PXDN: variants seen among roughly 807,000 people sequenced by gnomAD.
PXDN encodes the protein peroxidasin homolog.
In PXDN, 77 loss-of-function variants were observed where a neutral mutation model predicts 140.3. The observed-to-expected ratio is 0.55, with a 90% confidence interval of 0.46 to 0.66. PXDN has a LOEUF of 0.66. Ranked by LOEUF, PXDN falls within the 30% of genes least tolerant of loss-of-function variation. The pLI is 0.00. For missense variants in PXDN, 1,838 were observed against 2,039.5 expected (o/e 0.90, Z 1.90); for synonymous variants, 911 against 857.4 (o/e 1.06, Z -1.09).
intron 1 of PXDN, among the ~76,000 whole-genome samples, chr2:1,709,962 T>C (rs1490422254): frequency 6.6e-6 from 1 of 152,136 alleles, no homozygotes; most frequent in Non-Finnish European, 1.5e-5. Context: ...GCCCCATCCA[T>C]GGTGTTTGTG....
At position 1,707,443 on chromosome 2, in the gene PXDN, A is replaced by C. The variant is rs183476323; in HGVS notation, c.201-14309T>G. ...CTGAGAGCATGCTGCATTGCTCATC[A>C]ATCCCAGATGCCTCATCCACGCCTT... On this transcript the variant is annotated intron_variant, in intron 1 of 22. Transcript: ENST00000252804. 1.3e-3 allele frequency among the ~76,000 whole-genome samples: 201 copies of C among 152,134 alleles called. 1 individual carries two copies. Among genetic ancestry groups the C allele is most frequent in the Non-Finnish European group, 1.5e-3 (99 of 67,916 alleles).
At chr2:1,744,600 C>G (rs1334593563), upstream of PXDN, 2 of 666,980 alleles carry the variant, frequency 3.0e-6, no homozygotes, top group African/African-American at 3.8e-5. Flanking sequence ...TCCTCCCGGC[C>G]CCTCTGAATC....
At chr2:1,682,526 G>C (rs961263074) in intron 6 of PXDN, among the ~76,000 whole-genome samples, 3 of 152,118 alleles carry the variant, frequency 2.0e-5, no homozygotes, top group African/African-American at 4.8e-5. Flanking sequence ...CGAAACTAAC[G>C]GTTTCAAGAC....
At chr2:1,722,112 G>A (rs773190573) in intron 1 of PXDN, among the ~76,000 whole-genome samples, 19 of 152,202 alleles carry the variant, frequency 1.2e-4, no homozygotes, top group Non-Finnish European at 2.2e-4. Context: ...GAACCCGAGA[G>A]GTGTTGACAA....
Position 1,676,674 on chromosome 2 carries a change from G to A in PXDN, c.848+253C>T, listed in dbSNP as rs1377194352. 3.8e-5 allele frequency: 20 copies of A among 527,068 alleles called. 1 individual carries two copies. The highest frequency in any genetic ancestry group is 7.5e-5 in the South Asian group (3 of 39,914). The allele number at this position is 527,068 out of a possible 1,614,324, so 32.6% of individuals were successfully genotyped here. On this transcript the variant is annotated intron_variant, in intron 8 of 22. Transcript: ENST00000252804. ...TCCCACCGGGAAGGGCCGCAGTGAC[G>A]CGTTGCCCAGCCAGGGCACCCCTGT...
chr2:1,699,740 T>C (rs13411591), intron 1 of PXDN, among the ~76,000 whole-genome samples: 1 of 151,318 alleles, frequency 6.6e-6, no homozygotes, highest in Non-Finnish European at 1.5e-5. Flanking sequence ...CAAACAAAAA[T>C]AAATAAGAGT....
intron 14 of PXDN, among the ~76,000 whole-genome samples, chr2:1,655,309 ACACACACGC>A (rs1251216310): frequency 1.3e-5 from 2 of 150,950 alleles, no homozygotes; most frequent in Non-Finnish European, 3.0e-5. Flanking sequence ...ATAACACATC[ACACACACGC>A]CACACACAGA....
chr2:1,674,327 G>C (rs575794782), intron 8 of PXDN, among the ~76,000 whole-genome samples: 1 of 152,102 alleles, frequency 6.6e-6, no homozygotes, highest in Non-Finnish European at 1.5e-5. Context: ...CTCCTGCCTC[G>C]GGCTCCGAAA....
At chr2:1,665,131 C>T (rs1179365363) in intron 10 of PXDN, 57 bp from the exon 11 acceptor site, 8 of 1,311,214 alleles carry the variant, frequency 6.1e-6, no homozygotes, top group Admixed American at 3.9e-5. Flanking sequence ...GGGGTAAAAA[C>T]GCGACCAAGA....
chr2:1,639,192 G>T lies in PXDN; in HGVS notation c.4073+110C>A. 1 of 1,513,968 alleles carries T rather than the reference G, an allele frequency of 6.6e-7. No individual in the cohort carries two copies. The highest frequency in any genetic ancestry group is 8.9e-7 in the Non-Finnish European group (1 of 1,124,434). 93.8% of individuals were successfully genotyped at this position (1,513,968 alleles called of 1,614,324 possible). A position where few individuals can be genotyped will look rare whatever the true frequency, so the allele number is the denominator to read the frequency against. ...GCCCCCAGTGCCCTGGGACGTCCCT[G>T]CCAGGAACCATCCTCGCCACAGGCC... is the stretch of plus-strand genomic sequence containing the variant. On this transcript the variant is annotated intron_variant, in intron 20 of 22. Coordinates refer to ENST00000252804, the MANE Select transcript of PXDN (RefSeq NM_012293.3). This position sits in a 1 kb window ranked among gnomAD's most constrained non-coding sequence, Gnocchi z 5.0.
chr2:1,693,163 C>T (rs373838586), intron 1 of PXDN, 29 bp from the exon 2 acceptor site: 52 of 1,490,384 alleles, frequency 3.5e-5, no homozygotes, highest in Middle Eastern at 1.7e-4. Context: ...GGTATTATTA[C>T]GTGAAAAAAA....
chr2:1,674,240 CA>C (rs1488787183), intron 8 of PXDN, among the ~76,000 whole-genome samples: 1 of 152,234 alleles, frequency 6.6e-6, no homozygotes, highest in Non-Finnish European at 1.5e-5. Context: ...GACAGAGTCT[CA>C]CTCTGCAGCC....
Position 1,744,364 on chromosome 2 carries a change from T to C in PXDN, c.92A>G (p.Lys31Arg). The C allele has an allele frequency of 1.3e-6, 2 of 1,526,940 alleles. No individual in the cohort carries two copies. Among genetic ancestry groups the C allele is most frequent in the African/African-American group, 1.4e-5 (1 of 71,570 alleles). The allele number at this position is 1,526,940 out of a possible 1,614,324, so 94.6% of individuals were successfully genotyped here. The change falls in exon 1 of 23, where the codon AAG becomes AGG. Residue 31 changes from lysine to arginine, a missense_variant. Transcript: ENST00000252804. ...AWGTLAVVAQ[K>R]PGAGCPSRCL... The stretch of plus-strand genomic sequence containing the variant: ...GCGGCTCGGACACCCTGCGCCCGGC[T>C]TCTGGGCCACCACGGCCAGCGTCCC...
chr2:1,706,810 G>A lies in PXDN; in HGVS notation c.201-13676C>T, dbSNP rs71277220. ...TGATCACCAATCAGCTCTAAGCATCGCCTGCCCCACTAATAATACAATCCG... is the reference window on the plus strand; with the variant it reads ...TGATCACCAATCAGCTCTAAGCATCACCTGCCCCACTAATAATACAATCCG... On this transcript the variant is annotated intron_variant, in intron 1 of 22. Coordinates refer to ENST00000252804, the MANE Select transcript of PXDN (RefSeq NM_012293.3). Among the ~76,000 whole-genome samples, 57 of 64,198 alleles carry A rather than the reference G, an allele frequency of 8.9e-4. 1 individual carries two copies. Among genetic ancestry groups the A allele is most frequent in the Middle Eastern group, 9.4e-3 (1 of 106 alleles). 42.1% of individuals were successfully genotyped at this position (64,198 alleles called of 152,430 possible). A position where few individuals can be genotyped will look rare whatever the true frequency, so the allele number is the denominator to read the frequency against.
chr2:1,735,059 A>G (rs1467649481), intron 1 of PXDN, among the ~76,000 whole-genome samples: 2 of 152,198 alleles, frequency 1.3e-5, no homozygotes, highest in African/African-American at 2.4e-5. Flanking sequence ...GCTCATCCAT[A>G]GACACAACTC....
chr2:1,731,187 A>T (rs2125490245), intron 1 of PXDN, among the ~76,000 whole-genome samples: 1 of 139,700 alleles, frequency 7.2e-6, no homozygotes, highest in Admixed American at 7.1e-5. Flanking sequence ...CACATGAACT[A>T]GTGAGAGGAA....
At position 1,676,963 on chromosome 2, in the gene PXDN, C is replaced by T; in HGVS notation, c.812G>A (p.Gly271Asp). ...NTVYFTCRAE[G>D]NPKPEIIWLR... Reference sequence around the variant, plus strand: ...CCAGATGATCTCAGGCTTGGGGTTGCCTTCGGCTCTGCAGGTGAAGTACAC... The same window carrying T: ...CCAGATGATCTCAGGCTTGGGGTTGTCTTCGGCTCTGCAGGTGAAGTACAC... The change falls in exon 8 of 23, where the codon GGC becomes GAC. Residue 271 changes from glycine to aspartate, a missense_variant. Gly to Asp is a moderately conservative substitution (Grantham distance 94, BLOSUM62 -1). This residue lies in a region of PXDN where 208 missense variants were observed against 325.8 expected (regional missense o/e 0.64). Transcript: ENST00000252804. The T allele has an allele frequency of 6.2e-7, 1 of 1,612,992 alleles. No homozygotes were observed. Among genetic ancestry groups the T allele is most frequent in the Non-Finnish European group, 8.5e-7 (1 of 1,179,570 alleles).
At chr2:1,657,430 C>A (rs1683171014) in intron 14 of PXDN, among the ~76,000 whole-genome samples, 1 of 151,600 alleles carries the variant, frequency 6.6e-6, no homozygotes, top group South Asian at 2.1e-4. Flanking sequence ...CTAACTGAAA[C>A]CTGCCGCCTC....
At chr2:1,736,866 T>G (rs1179626251) in intron 1 of PXDN, among the ~76,000 whole-genome samples, 1 of 152,156 alleles carries the variant, frequency 6.6e-6, no homozygotes, top group Admixed American at 6.5e-5. Context: ...TTTTGTTATC[T>G]CATGTGGACA....
Sources: gnomAD v4.1 joint callset for allele counts (sites outside exome capture counted in the v4.1 genomes callset) on GRCh38, gnomAD v4.1.1 for gene constraint, gnomAD v4.1.1 regional missense constraint, Gnocchi (gnomAD v3.1) non-coding constraint, MANE v1.5 for transcripts, NCBI Gene and HGNC (gene_info 2026-07-23, HGNC 2026-07-21) for gene names.